The following CPNE8 variants were observed in gnomAD, a reference collection of about 807,000 sequenced individuals.
The protein encoded by CPNE8 is copine-8.
Under a neutral mutation model 81.5 loss-of-function variants are expected in CPNE8, and 45 were observed. That is an observed-to-expected ratio of 0.55 (90% CI 0.44 to 0.71). The LOEUF is 0.71. Among genes scored for constraint, CPNE8 ranks in the 30% least tolerant of loss-of-function variants. The probability of loss-of-function intolerance (pLI) is 0.00; values close to 1 mark genes in which losing one functional copy is unlikely to be tolerated. For synonymous variants in CPNE8, 252 were observed against 226.3 expected (o/e 1.11, Z -1.02); for missense variants, 594 against 672.1 (o/e 0.88, Z 1.28).
intron 3 of CPNE8, among the ~76,000 whole-genome samples, chr12:38,856,339 C>T (rs1226485223): frequency 7.2e-5 from 11 of 152,160 alleles, no homozygotes; most frequent in Non-Finnish European, 1.5e-4. Flanking sequence ...AAAAGAAACA[C>T]CTTTCAGACT....
In CPNE8 at chr12:38,873,821, C is replaced by G. The variant is rs567793511; in HGVS notation, c.139+650G>C. 5.3e-5 allele frequency among the ~76,000 whole-genome samples: 8 copies of G among 152,224 alleles called. 1 individual carries two copies. Among genetic ancestry groups the G allele is most frequent in the Non-Finnish European group, 1.0e-4 (7 of 68,034 alleles). On this transcript the variant is annotated intron_variant, in intron 2 of 19. Coordinates refer to ENST00000331366, the MANE Select transcript of CPNE8 (RefSeq NM_153634.3). ...TCATTCTGCTGTTTTCTAATTCAAA[C>G]TACCCTTCTCACTTTACAAGTTATC...
intron 19 of CPNE8, among the ~76,000 whole-genome samples, chr12:38,659,614 G>T (rs143233902): frequency 6.6e-6 from 1 of 152,022 alleles, no homozygotes. Context: ...GCACCACATC[G>T]CACGTATTCC....
At chr12:38,828,103 T>G (rs1020807601) in intron 6 of CPNE8, among the ~76,000 whole-genome samples, 2 of 152,200 alleles carry the variant, frequency 1.3e-5, no homozygotes, top group Non-Finnish European at 2.9e-5. Context: ...AAGGCATCTT[T>G]AAGGTGGTAT....
chr12:38,725,947 TG>T (rs1393457433), intron 11 of CPNE8, among the ~76,000 whole-genome samples: 2 of 152,050 alleles, frequency 1.3e-5, no homozygotes, highest in Admixed American at 6.5e-5. Flanking sequence ...TCCCCACAGA[TG>T]GGGGTGGGGA....
In CPNE8 at chr12:38,807,435, A is replaced by G. The variant is rs1008221804; in HGVS notation, c.407+21944T>C. On this transcript the variant is annotated intron_variant, in intron 6 of 19. Transcript: ENST00000331366. ...ATCAATGGAACAGAACAGAGCCCTC[A>G]GAAATAACACTGCATGTCTACAACT... 1.0e-3 allele frequency among the ~76,000 whole-genome samples: 157 copies of G among 152,068 alleles called. 1 individual carries two copies. The highest frequency in any genetic ancestry group is 3.4e-3 in the African/African-American group (139 of 41,466).
intron 5 of CPNE8, among the ~76,000 whole-genome samples, chr12:38,838,266 G>A (rs1401156008): frequency 6.6e-6 from 1 of 152,088 alleles, no homozygotes; most frequent in Non-Finnish European, 1.5e-5. Context: ...CCTAAACAGA[G>A]AAACTTGGTC....
At chr12:38,703,023 AAC>A in intron 13 of CPNE8, 102 bp from the exon 14 acceptor site, 1 of 787,512 alleles carries the variant, frequency 1.3e-6, no homozygotes. Flanking sequence ...GATTTTCTCA[AAC>A]GTTAATTAAG....
Position 38,801,853 on chromosome 12 carries a change from C to A in CPNE8, c.408-25552G>T, listed in dbSNP as rs902768105. On this transcript the variant is annotated intron_variant, in intron 6 of 19. Transcript: ENST00000331366. Reference sequence around the variant, plus strand: ...GGAAAACAAAAAAAGGCAGGGGTTGCAATCCTAGTCTCTGATAAAACAGAC... The same window carrying A: ...GGAAAACAAAAAAAGGCAGGGGTTGAAATCCTAGTCTCTGATAAAACAGAC... Among the ~76,000 whole-genome samples, 76 of 98,138 alleles carry A rather than the reference C, an allele frequency of 7.7e-4. 1 individual carries two copies. The highest frequency in any genetic ancestry group is 2.7e-3 in the African/African-American group (75 of 28,298). 64.4% of individuals were successfully genotyped at this position (98,138 alleles called of 152,430 possible). A position where few individuals can be genotyped will look rare whatever the true frequency, so the allele number is the denominator to read the frequency against.
rs993915788 is a variant in CPNE8 at position 38,737,318 on chromosome 12, T to C, written c.723-6960A>G. 8.5e-5 allele frequency among the ~76,000 whole-genome samples: 13 copies of C among 152,204 alleles called. 1 individual carries two copies. The South Asian group carries it at 2.1e-3, about 24-fold the overall frequency. ...ATGCAATTAAATGCCATCACCTACT[T>C]TCCCACATACTAGTAACAGATACTT... On this transcript the variant is annotated intron_variant, in intron 10 of 19. Transcript: ENST00000331366.
chr12:38,797,424 T>C (rs548386009), intron 6 of CPNE8, among the ~76,000 whole-genome samples: 2 of 152,274 alleles, frequency 1.3e-5, no homozygotes, highest in South Asian at 4.1e-4. Flanking sequence ...CGGCTGCGGA[T>C]ACCCAGGCAA....
intron 6 of CPNE8, among the ~76,000 whole-genome samples, chr12:38,808,912 C>T (rs763906535): frequency 4.6e-5 from 7 of 151,866 alleles, no homozygotes; most frequent in South Asian, 2.1e-4. Context: ...ATTTCAAGCA[C>T]GCTAGTAAAC....
At chr12:38,767,523 T>A (rs1565604917) in intron 8 of CPNE8, 112 bp downstream of exon 8, 2 of 617,488 alleles carry the variant, frequency 3.2e-6, no homozygotes, top group African/African-American at 3.9e-5. Flanking sequence ...ATTTTTAAAA[T>A]CTCAAACTAT....
At chr12:38,736,920 T>C (rs1303142423) in intron 10 of CPNE8, among the ~76,000 whole-genome samples, 1 of 152,082 alleles carries the variant, frequency 6.6e-6, no homozygotes, top group Non-Finnish European at 1.5e-5. Flanking sequence ...ACTGTGCTCA[T>C]GTCTGAGGTT....
intron 11 of CPNE8, among the ~76,000 whole-genome samples, chr12:38,726,111 G>GT (rs1233217380): frequency 6.6e-6 from 1 of 152,104 alleles, no homozygotes; most frequent in African/African-American, 2.4e-5. Flanking sequence ...CCACAGGCCT[G>GT]TACTAGGCTG....
chr12:38,685,792 C>T (rs546377605), intron 15 of CPNE8, 175 bp from the exon 16 acceptor site: 8 of 497,500 alleles, frequency 1.6e-5, no homozygotes, highest in Admixed American at 7.1e-5. Context: ...GATCAACAAT[C>T]GATTATGATA....
rs140565804 is a variant in CPNE8, at chr12:38,669,076, A to C, written c.1506+1653T>G. Among the ~76,000 whole-genome samples the C allele has an allele frequency of 2.1e-3, 319 of 151,876 alleles. 1 individual carries two copies. The highest frequency in any genetic ancestry group is 3.4e-3 in the Non-Finnish European group (229 of 67,874). ...CAAAAAAAAAAATAAAATAAATAACACACACACGCATAATGAGCTTCTTAA... is the reference window on the plus strand; with the variant it reads ...CAAAAAAAAAAATAAAATAAATAACCCACACACGCATAATGAGCTTCTTAA... On this transcript the variant is annotated intron_variant, in intron 19 of 19. Transcript: ENST00000331366.
chr12:38,692,626 A>G (rs1044085617), intron 15 of CPNE8, among the ~76,000 whole-genome samples: 3 of 152,228 alleles, frequency 2.0e-5, no homozygotes, highest in African/African-American at 7.2e-5. Context: ...CAGGAAAGGC[A>G]GCAAAGGAGA....
chr12:38,806,269 C>A (rs1942799178), intron 6 of CPNE8, among the ~76,000 whole-genome samples: 2 of 150,288 alleles, frequency 1.3e-5, no homozygotes, highest in East Asian at 4.4e-4. Flanking sequence ...CAGCATCATC[C>A]TGATACCAAA....
At chr12:38,701,874 A>G (rs1939957111) in intron 14 of CPNE8, among the ~76,000 whole-genome samples, 1 of 152,202 alleles carries the variant, frequency 6.6e-6, no homozygotes. Context: ...AATGTTGCAG[A>G]AAGAACGTGA....
Sources: allele counts gnomAD v4.1 joint callset (sites outside exome capture counted in the v4.1 genomes callset), GRCh38; gene constraint gnomAD v4.1.1; transcripts MANE v1.5; gene names NCBI Gene and HGNC (gene_info 2026-07-23, HGNC 2026-07-21).